The following TOX2 variants were observed in gnomAD, a reference collection of about 807,000 sequenced individuals.
The protein encoded by TOX2 is TOX high mobility group box family member 2.
In TOX2, 15 loss-of-function variants were observed where a neutral mutation model predicts 47.4. That is an observed-to-expected ratio of 0.32 (90% CI 0.21 to 0.49). The LOEUF (loss-of-function observed/expected upper bound fraction) is 0.49, where lower values mean the gene tolerates loss of function less well. Among genes scored for constraint, TOX2 ranks in the 20% least tolerant of loss-of-function variants. TOX2 has a pLI of 0.99. For missense variants in TOX2, 622 were observed against 673.1 expected (o/e 0.92, Z 0.84); for synonymous variants, 290 against 296.6 (o/e 0.98, Z 0.23).
chr20:43,946,162 A>C, intron 1 of TOX2: 1 of 1,417,558 alleles, frequency 7.1e-7, no homozygotes, highest in Non-Finnish European at 9.5e-7. Flanking sequence ...CACATTCTGG[A>C]ATGAAGATGC....
At chr20:43,982,809 G>T (rs1467003576) in intron 2 of TOX2, among the ~76,000 whole-genome samples, 1 of 150,334 alleles carries the variant, frequency 6.7e-6, no homozygotes, top group African/African-American at 2.4e-5. Context: ...ATCAGCAGGG[G>T]TCTGAATGGA....
chr20:44,013,562 T>C (rs962323685), intron 3 of TOX2, among the ~76,000 whole-genome samples: 5 of 152,232 alleles, frequency 3.3e-5, no homozygotes, highest in Non-Finnish European at 7.3e-5. Context: ...TTTGGTCTTG[T>C]CTTATGAATG....
chr20:44,062,367 AAAATAAATAAATAAAT>A (rs200770035), intron 5 of TOX2, among the ~76,000 whole-genome samples: 30 of 140,906 alleles, frequency 2.1e-4, no homozygotes, highest in African/African-American at 6.5e-4. Context: ...CTTTAACTGC[AAAATAAATAAATAAAT>A]AAATAAATAA....
At chr20:44,025,144 G>A (rs2071040045) in intron 3 of TOX2, among the ~76,000 whole-genome samples, 1 of 152,046 alleles carries the variant, frequency 6.6e-6, no homozygotes, top group Non-Finnish European at 1.5e-5. Context: ...GTGGTGAAAA[G>A]GATTTTTTAA....
chr20:44,004,666 A>G (rs1415769458), intron 2 of TOX2, among the ~76,000 whole-genome samples: 1 of 152,198 alleles, frequency 6.6e-6, no homozygotes, highest in African/African-American at 2.4e-5. Context: ...CTGTTGCCAC[A>G]GGCTGTACAC....
intron 4 of TOX2, among the ~76,000 whole-genome samples, chr20:44,053,509 T>C (rs1021356032): frequency 1.4e-5 from 2 of 145,090 alleles, no homozygotes; most frequent in Non-Finnish European, 3.0e-5. Flanking sequence ...GACATATATA[T>C]ACTATATATA....
chr20:44,048,734 G>T (rs2071458333), intron 3 of TOX2, among the ~76,000 whole-genome samples: 1 of 151,242 alleles, frequency 6.6e-6, no homozygotes. Flanking sequence ...ATTCATATCA[G>T]ACTCCACTGA....
chr20:44,006,465 T>C lies in TOX2; in HGVS notation c.166-82T>C. 4 of 1,526,178 alleles carry C rather than the reference T, an allele frequency of 2.6e-6. No individual in the cohort carries two copies. The South Asian group carries it at 5.1e-5, about 19-fold the overall frequency. The allele number at this position is 1,526,178 out of a possible 1,614,324, so 94.5% of individuals were successfully genotyped here. A position where few individuals can be genotyped will look rare whatever the true frequency, so the allele number is the denominator to read the frequency against. On this transcript the variant is annotated intron_variant, in intron 2 of 8. Coordinates refer to ENST00000341197, the MANE Select transcript of TOX2 (RefSeq NM_001098797.2). ...GCCAAGGGGTTGCTATCGTTATTAT[T>C]GTTGCTGTTATTGGTGCTGTTGGGT...
At chr20:43,937,902 T>C (rs1372509467) in intron 1 of TOX2, among the ~76,000 whole-genome samples, 1 of 152,122 alleles carries the variant, frequency 6.6e-6, no homozygotes, top group Non-Finnish European at 1.5e-5. Context: ...CCAGCACAGA[T>C]TGGAAAAATG....
intron 3 of TOX2, among the ~76,000 whole-genome samples, chr20:44,022,482 T>G (rs1191738413): frequency 2.0e-5 from 3 of 152,214 alleles, no homozygotes; most frequent in Non-Finnish European, 2.9e-5. Flanking sequence ...GCCAACCACA[T>G]AGAGGGCTCT....
intron 1 of TOX2, among the ~76,000 whole-genome samples, chr20:43,942,443 C>T (rs751208902): frequency 6.6e-6 from 1 of 152,118 alleles, no homozygotes; most frequent in Non-Finnish European, 1.5e-5. Context: ...TTTGGGAGGC[C>T]AAGACGGGAG....
At position 44,069,320 on chromosome 20, in the gene TOX2, C is replaced by T. The variant is rs530904454; in HGVS notation, c.*634C>T. The T allele has an allele frequency of 2.8e-5, 5 of 175,710 alleles. No individual in the cohort carries two copies. The highest frequency in any genetic ancestry group is 1.6e-4 in the East Asian group (1 of 6,278). The allele number at this position is 175,710 out of a possible 1,614,324, so 10.9% of individuals were successfully genotyped here. A position where few individuals can be genotyped will look rare whatever the true frequency, so the allele number is the denominator to read the frequency against. The stretch of plus-strand genomic sequence containing the variant: ...ACGCGCACAAAAGCGGCTGCCAAAC[C>T]GTTTCGTCATCCTCACAGCAAGGAC... On this transcript the variant is annotated 3_prime_UTR_variant, in exon 9 of 9. Coordinates refer to ENST00000341197, the MANE Select transcript of TOX2 (RefSeq NM_001098797.2).
At chr20:44,005,366 T>C (rs1479007888) in intron 2 of TOX2, among the ~76,000 whole-genome samples, 2 of 152,338 alleles carry the variant, frequency 1.3e-5, no homozygotes, top group East Asian at 3.9e-4. Flanking sequence ...CATCTTCCAG[T>C]TGACACACCT....
chr20:43,966,488 T>C (rs185212279), intron 1 of TOX2, among the ~76,000 whole-genome samples: 1 of 152,118 alleles, frequency 6.6e-6, no homozygotes, highest in Non-Finnish European at 1.5e-5. Flanking sequence ...CTGGGTGTGG[T>C]GGCTCATGCC....
chr20:43,982,288 G>T (rs2070182361), intron 2 of TOX2, among the ~76,000 whole-genome samples: 2 of 152,166 alleles, frequency 1.3e-5, no homozygotes. Context: ...TTGCTGTGGG[G>T]CATGGGAGAA....
At chr20:44,030,403 T>C (rs1191486167) in intron 3 of TOX2, among the ~76,000 whole-genome samples, 1 of 152,196 alleles carries the variant, frequency 6.6e-6, no homozygotes, top group Non-Finnish European at 1.5e-5. Flanking sequence ...AAGTCACTGC[T>C]CTGCCTAAAA....
chr20:44,006,768 C>A lies in TOX2; in HGVS notation c.387C>A (p.His129Gln). 6.2e-7 allele frequency: 1 copy of A among 1,613,758 alleles called. No homozygotes were observed. Among genetic ancestry groups the A allele is most frequent in the African/African-American group, 1.3e-5 (1 of 75,062 alleles). The change falls in exon 3 of 9, where the codon CAC (histidine) becomes CAA (glutamine). Residue 129 changes from histidine to glutamine, a missense_variant. Coordinates refer to ENST00000341197, the MANE Select transcript of TOX2 (RefSeq NM_001098797.2). ...CCAACATGCTAGCACAGGACAGCCACCTGCTGTCGGGCCAGCTGCCCACGG... is the reference window on the plus strand; with the variant it reads ...CCAACATGCTAGCACAGGACAGCCAACTGCTGTCGGGCCAGCTGCCCACGG... ...MVSNMLAQDS[H>Q]LLSGQLPTIQ...
At chr20:43,974,850 C>T (rs754862430) in intron 2 of TOX2, among the ~76,000 whole-genome samples, 7 of 152,220 alleles carry the variant, frequency 4.6e-5, no homozygotes, top group Non-Finnish European at 1.0e-4. Flanking sequence ...CAGGATCGCT[C>T]ATGCCGGGGC....
rs1555841868 is a variant in TOX2, at chr20:44,023,431, G to GGAAAAAAAAAAAAAAAAAAAAA, written c.411+16639_411+16640insGAAAAAAAAAAAAAAAAAAAAA. On this transcript the variant is annotated intron_variant, in intron 3 of 8. Coordinates refer to ENST00000341197, the MANE Select transcript of TOX2 (RefSeq NM_001098797.2). Reference sequence around the variant, plus strand: ...GGTGACAGAGCTAGACTTTATCTCAGAAAAAAAAAAAAAAAAAAAGGAGGG... The same window carrying GGAAAAAAAAAAAAAAAAAAAAA: ...GGTGACAGAGCTAGACTTTATCTCAGGAAAAAAAAAAAAAAAAAAAAAAAAAAAAAAAAAAAAAAAAGGAGGG... Among the ~76,000 whole-genome samples, 2 of 119,148 alleles carry GGAAAAAAAAAAAAAAAAAAAAA rather than the reference G, an allele frequency of 1.7e-5. 1 individual carries two copies. The allele number at this position is 119,148 out of a possible 152,430, so 78.2% of individuals were successfully genotyped here.
Sources: allele counts gnomAD v4.1 joint callset (sites outside exome capture counted in the v4.1 genomes callset), GRCh38; gene constraint gnomAD v4.1.1; transcripts MANE v1.5; gene names NCBI Gene and HGNC (gene_info 2026-07-23, HGNC 2026-07-21).